IRF8: variants seen among roughly 807,000 people sequenced by gnomAD.
IRF8 encodes the protein interferon regulatory factor 8.
Under a neutral mutation model 48.7 loss-of-function variants are expected in IRF8, and 14 were observed. The ratio of observed to expected loss-of-function variants is 0.29; its 90% CI spans 0.19 to 0.45. IRF8 has a LOEUF of 0.45. Among genes scored for constraint, IRF8 ranks in the 20% least tolerant of loss-of-function variants. IRF8 has a pLI of 1.00. For missense variants in IRF8, 493 were observed against 580.7 expected (o/e 0.85, Z 1.55); for synonymous variants, 278 against 227.3 (o/e 1.22, Z -2.01).
intron 3 of IRF8, chr16:85,909,855 A>G (rs1281161109): frequency 6.5e-6 from 1 of 152,678 alleles, no homozygotes; most frequent in East Asian, 1.9e-4. Context: ...ATTGTAGCTG[A>G]TTTATGAGAT....
chr16:85,912,217 C>T (rs1490727719), intron 4 of IRF8, among the ~76,000 whole-genome samples: 2 of 152,216 alleles, frequency 1.3e-5, no homozygotes, highest in Non-Finnish European at 2.9e-5. Context: ...ATAATCGGGG[C>T]CTCCTTAGGC....
At chr16:85,913,919 C>CAACATG in intron 5 of IRF8, 1 of 175,666 alleles carries the variant, frequency 5.7e-6, no homozygotes, top group African/African-American at 2.4e-5. Flanking sequence ...GCTTCTGCAG[C>CAACATG]CGGTGAATGT....
chr16:85,921,854 T>C lies in IRF8; in HGVS notation c.*572T>C. 1 of 160,160 alleles carries C rather than the reference T, an allele frequency of 6.2e-6. No individual in the cohort carries two copies. Among genetic ancestry groups the C allele is most frequent in the Non-Finnish European group, 1.4e-5 (1 of 72,806 alleles). The allele number at this position is 160,160 out of a possible 1,614,324, so 9.9% of individuals were successfully genotyped here. A position where few individuals can be genotyped will look rare whatever the true frequency, so the allele number is the denominator to read the frequency against. ...CTTGGCTTGTTAGAAGAAAGTATAT[T>C]CTTTCTAGAATTTGGTGCAGGAATA... On this transcript the variant is annotated 3_prime_UTR_variant, in exon 9 of 9. Coordinates refer to ENST00000268638, the MANE Select transcript of IRF8 (RefSeq NM_002163.4).
At chr16:85,916,010 T>G (rs1905293220) in intron 6 of IRF8, among the ~76,000 whole-genome samples, 1 of 152,122 alleles carries the variant, frequency 6.6e-6, no homozygotes. Context: ...GGGTTAAATG[T>G]GCTGGTAGGT....
In IRF8 at chr16:85,911,605, G is replaced by A. The variant is rs779577615; in HGVS notation, c.394G>A (p.Glu132Lys). The A allele has an allele frequency of 6.2e-7, 1 of 1,614,164 alleles. No homozygotes were observed. The highest frequency in any genetic ancestry group is 8.5e-7 in the Non-Finnish European group (1 of 1,179,990). Residue 132 changes from glutamate to lysine, a missense_variant, in exon 4 of 9, where the codon GAA becomes AAA. Glu to Lys is a moderately conservative substitution (Grantham distance 56). Around this residue, in one of 3 missense-constraint regions of IRF8, gnomAD observed 408 missense variants for 449.6 expected, o/e 0.91. Coordinates refer to ENST00000268638, the MANE Select transcript of IRF8 (RefSeq NM_002163.4). Reference sequence around the variant, plus strand: ...CGTGGCAACTGCTGGCTGCGTGAATGAAGTTACAGAGATGGAGTGCGGTCG... The same window carrying A: ...CGTGGCAACTGCTGGCTGCGTGAATAAAGTTACAGAGATGGAGTGCGGTCG... The part of the protein sequence containing the change: ...LGVATAGCVN[E>K]VTEMECGRSE...
chr16:85,905,761 A>G (rs1404919497), intron 2 of IRF8, among the ~76,000 whole-genome samples: 1 of 152,222 alleles, frequency 6.6e-6, no homozygotes, highest in African/African-American at 2.4e-5. Context: ...GGTTATGTAG[A>G]CACTTGTTTC....
At chr16:85,900,054 G>A (rs887243757) in intron 1 of IRF8, among the ~76,000 whole-genome samples, 2 of 152,142 alleles carry the variant, frequency 1.3e-5, no homozygotes, top group Non-Finnish European at 2.9e-5. Flanking sequence ...TTTGGGTTAC[G>A]GCAGCTTCCT....
chr16:85,915,978 TATA>T (rs1049159838), intron 6 of IRF8, among the ~76,000 whole-genome samples: 1 of 149,756 alleles, frequency 6.7e-6, no homozygotes, highest in African/African-American at 2.5e-5. Flanking sequence ...GGAAAATGGG[TATA>T]ATAATAATCT....
intron 4 of IRF8, 103 bp from the exon 5 acceptor site, chr16:85,913,028 A>G (rs1250777119): frequency 2.3e-6 from 2 of 880,738 alleles, no homozygotes; most frequent in Non-Finnish European, 3.9e-6. Flanking sequence ...AGGTGACAAT[A>G]TGGTTTTACT....
intron 8 of IRF8, 124 bp from the exon 9 acceptor site, chr16:85,920,982 G>A: frequency 2.1e-6 from 2 of 946,260 alleles, no homozygotes; most frequent in South Asian, 1.4e-5. Context: ...TTGGCATTCT[G>A]GCTCATTCAC....
chr16:85,914,471 A>T lies in IRF8; in HGVS notation c.554-2A>T, dbSNP rs368427127. 1 of 1,613,990 alleles carries T rather than the reference A, an allele frequency of 6.2e-7. No individual in the cohort carries two copies. Among genetic ancestry groups the T allele is most frequent in the Non-Finnish European group, 8.5e-7 (1 of 1,180,004 alleles). On this transcript the variant is annotated splice_acceptor_variant, in intron 5 of 8. Transcript: ENST00000268638. LOFTEE classifies it high-confidence loss of function. ...GAGCTTGCTTTTCTGTTTCTCCTGC[A>T]GGCGTGCCGCTGGTGACGGGGTACA...
intron 1 of IRF8, 143 bp downstream of exon 1, chr16:85,899,366 G>A (rs1312462438): frequency 1.3e-5 from 2 of 152,378 alleles, no homozygotes; most frequent in African/African-American, 2.4e-5. Flanking sequence ...GTCCCTCTCT[G>A]CTTTTTGCCT....
At chr16:85,900,014 T>C (rs1387822890) in intron 1 of IRF8, among the ~76,000 whole-genome samples, 1 of 152,064 alleles carries the variant, frequency 6.6e-6, no homozygotes, top group African/African-American at 2.4e-5. Flanking sequence ...TAAGAACTGG[T>C]AGTTAAAATG....
chr16:85,912,997 G>C (rs1388919171), intron 4 of IRF8, 134 bp from the exon 5 acceptor site: 2 of 793,380 alleles, frequency 2.5e-6, no homozygotes, highest in East Asian at 4.9e-5. Context: ...AGTGAAACTT[G>C]ACTTTTGTCT....
intron 6 of IRF8, among the ~76,000 whole-genome samples, chr16:85,915,835 C>G (rs1286199731): frequency 6.6e-6 from 1 of 152,178 alleles, no homozygotes; most frequent in Non-Finnish European, 1.5e-5. Context: ...GAGAGCATGT[C>G]CTTGAATTAG....
At chr16:85,910,431 T>C (rs922040656) in intron 3 of IRF8, among the ~76,000 whole-genome samples, 4 of 152,148 alleles carry the variant, frequency 2.6e-5, no homozygotes, top group African/African-American at 9.7e-5. Flanking sequence ...TAGTCTGGGG[T>C]GACCCTGAAA....
At chr16:85,915,998 C>T (rs1905292582) in intron 6 of IRF8, among the ~76,000 whole-genome samples, 1 of 151,818 alleles carries the variant, frequency 6.6e-6, no homozygotes, top group Non-Finnish European at 1.5e-5. Context: ...ATCTACCTTA[C>T]AGGGTTAAAT....
chr16:85,914,568 A>G, intron 6 of IRF8, 48 bp downstream of exon 6: 1 of 1,609,502 alleles, frequency 6.2e-7, no homozygotes, highest in Non-Finnish European at 8.5e-7. Flanking sequence ...GTTTGAAGAC[A>G]AAGCCCAGAT....
chr16:85,914,605 A>G, intron 6 of IRF8, 85 bp downstream of exon 6: 1 of 1,459,068 alleles, frequency 6.9e-7, no homozygotes, highest in South Asian at 1.2e-5. Flanking sequence ...CGGGGTTTCG[A>G]GGATGAGCAG....
Sources: allele counts gnomAD v4.1 joint callset (sites outside exome capture counted in the v4.1 genomes callset), GRCh38; gene constraint gnomAD v4.1.1; regional missense constraint gnomAD v4.1.1; transcripts MANE v1.5; gene names NCBI Gene and HGNC (gene_info 2026-07-23, HGNC 2026-07-21).